LOC400499: variants seen among roughly 807,000 people sequenced by gnomAD.
the LOC400499 span, among the ~76,000 whole-genome samples, chr16:11,390,866 G>C: frequency 6.6e-6 from 1 of 152,200 alleles, no homozygotes; most frequent in Non-Finnish European, 1.5e-5. Context: ...CCTGGGTGCT[G>C]AGTCTCCCAG....
chr16:11,511,519 G>C, the LOC400499 span, among the ~76,000 whole-genome samples: 2 of 151,964 alleles, frequency 1.3e-5, no homozygotes, highest in Non-Finnish European at 2.9e-5. Flanking sequence ...CAATGAAAAA[G>C]AAAAAAATCC....
At chr16:11,469,831 G>A in the LOC400499 span, among the ~76,000 whole-genome samples, 2 of 152,318 alleles carry the variant, frequency 1.3e-5, no homozygotes, top group African/African-American at 2.4e-5. Flanking sequence ...CCACAGGGTC[G>A]CAATTTATTC....
chr16:11,383,978 G>C, the LOC400499 span: 7 of 1,231,736 alleles, frequency 5.7e-6, no homozygotes, highest in African/African-American at 1.1e-4. Flanking sequence ...TCCTGCTGAG[G>C]CTTCTCAGTG....
At chr16:11,408,041 G>A in the LOC400499 span, among the ~76,000 whole-genome samples, 82 of 141,004 alleles carry the variant, frequency 5.8e-4, no homozygotes, top group Non-Finnish European at 1.1e-3. Flanking sequence ...GAAGTGCAGT[G>A]GCACGATCTC....
the LOC400499 span, chr16:11,457,254 G>C: frequency 1.9e-6 from 1 of 538,538 alleles, no homozygotes. Flanking sequence ...GTGGGAATGT[G>C]AAATAGTGCA....
the LOC400499 span, among the ~76,000 whole-genome samples, chr16:11,429,453 A>C: frequency 6.6e-6 from 1 of 152,202 alleles, no homozygotes; most frequent in Non-Finnish European, 1.5e-5. Flanking sequence ...GGGAGTTAGC[A>C]GGGAAAGCAT....
the LOC400499 span, among the ~76,000 whole-genome samples, chr16:11,432,333 G>C: frequency 6.6e-6 from 1 of 152,208 alleles, no homozygotes; most frequent in Non-Finnish European, 1.5e-5. Flanking sequence ...GGAGTAGCTT[G>C]TTATGCAGCA....
the LOC400499 span, chr16:11,425,078 C>G: frequency 2.0e-5 from 8 of 398,780 alleles, no homozygotes; most frequent in Non-Finnish European, 3.1e-5. Flanking sequence ...GGCTCCAGGA[C>G]TTAGAAGTCT....
chr16:11,385,750 G>A, the LOC400499 span, among the ~76,000 whole-genome samples: 6 of 152,252 alleles, frequency 3.9e-5, no homozygotes, highest in Admixed American at 6.5e-5. Context: ...AGCAGGCACA[G>A]CCATGGACAG....
chr16:11,412,969 G>A, the LOC400499 span: 1 of 399,294 alleles, frequency 2.5e-6, no homozygotes. Context: ...GAGGGAGCAG[G>A]CTGTGAGATG....
At chr16:11,383,222 T>C in the LOC400499 span, among the ~76,000 whole-genome samples, 2 of 151,860 alleles carry the variant, frequency 1.3e-5, no homozygotes, top group East Asian at 3.9e-4. Context: ...CCCGCAACCA[T>C]GCCCGGCTAA....
At chr16:11,500,925 C>T in the LOC400499 span, 1 of 399,120 alleles carries the variant, frequency 2.5e-6, no homozygotes. Context: ...GAGGCCCACA[C>T]AGTGCTCCGT....
the LOC400499 span, chr16:11,392,559 C>G: frequency 5.0e-6 from 2 of 400,462 alleles, no homozygotes; most frequent in African/African-American, 4.1e-5. Flanking sequence ...GCCCACTCCC[C>G]CTCCACCGCT....
the LOC400499 span, among the ~76,000 whole-genome samples, chr16:11,378,911 T>C: frequency 6.6e-6 from 1 of 152,244 alleles, no homozygotes; most frequent in African/African-American, 2.4e-5. Flanking sequence ...TCTATAGTAT[T>C]GTTCAAGTAC....
the LOC400499 span, chr16:11,457,193 C>T: frequency 1.5e-6 from 1 of 655,958 alleles, no homozygotes; most frequent in East Asian, 2.8e-5. Flanking sequence ...AAACAAAAAA[C>T]AAGGAGCGTT....
the LOC400499 span, among the ~76,000 whole-genome samples, chr16:11,468,090 GA>G: frequency 2.1e-5 from 3 of 145,214 alleles, no homozygotes; most frequent in South Asian, 2.2e-4. Flanking sequence ...CACAGGTGGG[GA>G]AAAAAAAAAC....
chr16:11,519,762 A>G, the LOC400499 span, among the ~76,000 whole-genome samples: 1 of 151,056 alleles, frequency 6.6e-6, no homozygotes, highest in Non-Finnish European at 1.5e-5. Context: ...CTGGAGTGCA[A>G]TGGCGCGATC....
At chr16:11,386,110 C>T in the LOC400499 span, among the ~76,000 whole-genome samples, 2 of 152,198 alleles carry the variant, frequency 1.3e-5, no homozygotes, top group African/African-American at 4.8e-5. Context: ...GGGAAACATT[C>T]ACTATGTAAG....
chr16:11,496,888 ATGTGTGTGTGTGTGTGTGTG>A, the LOC400499 span, among the ~76,000 whole-genome samples: 2,415 of 144,380 alleles, frequency 0.017, 72 homozygotes, highest in African/African-American at 0.059. Context: ...GTATGCCTCA[ATGTGTGTGTGTGTGTGTGTG>A]TGTGTGTGTG....
Sources: gnomAD v4.1 joint callset for allele counts (sites outside exome capture counted in the v4.1 genomes callset) on GRCh38, gnomAD v4.1.1 for gene constraint, MANE v1.5 for transcripts.